SLC35D4: variants seen among roughly 807,000 people sequenced by gnomAD.
SLC35D4 encodes the protein solute carrier family 35 member D4, also known as UDP-N-acetylglucosamine transporter SLC35D4.
At chr18:23,399,174 G>A in the SLC35D4 span, among the ~76,000 whole-genome samples, 5 of 152,270 alleles carry the variant, frequency 3.3e-5, no homozygotes, top group Non-Finnish European at 5.9e-5. Context: ...ACCAGGCCAC[G>A]TTACCAATGG....
chr18:23,351,437 A>G, the SLC35D4 span, among the ~76,000 whole-genome samples: 1 of 129,988 alleles, frequency 7.7e-6, no homozygotes, highest in Non-Finnish European at 1.7e-5. Context: ...CAAAAACAAA[A>G]ACAAAAAAAT....
chr18:23,257,114 A>T, the SLC35D4 span: 1 of 1,213,286 alleles, frequency 8.2e-7, no homozygotes, highest in East Asian at 2.4e-5. Context: ...GCTTTGCCCA[A>T]AGTGGATTTC....
chr18:23,257,054 G>A, the SLC35D4 span: 2 of 671,060 alleles, frequency 3.0e-6, no homozygotes, highest in East Asian at 2.8e-5. Context: ...TTCACAACCA[G>A]GACCGAAGGC....
At chr18:23,254,008 G>A in the SLC35D4 span, 2 of 1,305,726 alleles carry the variant, frequency 1.5e-6, no homozygotes, top group Non-Finnish European at 2.2e-6. Flanking sequence ...AGAAGGATTC[G>A]GTCAGTGACC....
At chr18:23,391,055 G>A in the SLC35D4 span, among the ~76,000 whole-genome samples, 4 of 151,798 alleles carry the variant, frequency 2.6e-5, no homozygotes, top group African/African-American at 4.8e-5. Flanking sequence ...GTGAAACCCC[G>A]TCTCTACTAA....
the SLC35D4 span, among the ~76,000 whole-genome samples, chr18:23,325,951 A>G: frequency 6.6e-6 from 1 of 152,232 alleles, no homozygotes; most frequent in Admixed American, 6.5e-5. Context: ...GACAAGGCAC[A>G]CACACATTTT....
At chr18:23,358,307 C>A in the SLC35D4 span, among the ~76,000 whole-genome samples, 1 of 152,098 alleles carries the variant, frequency 6.6e-6, no homozygotes, top group Non-Finnish European at 1.5e-5. Context: ...CCTCTCAGCA[C>A]CCAGTCTTTC....
the SLC35D4 span, among the ~76,000 whole-genome samples, chr18:23,298,961 G>A: frequency 1.4e-4 from 22 of 152,220 alleles, no homozygotes; most frequent in Admixed American, 5.9e-4. Flanking sequence ...TTGGGGTGCT[G>A]AGTGTATGAC....
the SLC35D4 span, among the ~76,000 whole-genome samples, chr18:23,319,634 T>C: frequency 6.6e-6 from 1 of 152,134 alleles, no homozygotes; most frequent in South Asian, 2.1e-4. Context: ...AGATGGGGTT[T>C]CACCATGTTG....
At chr18:23,386,632 G>C in the SLC35D4 span, among the ~76,000 whole-genome samples, 1 of 150,782 alleles carries the variant, frequency 6.6e-6, no homozygotes, top group Non-Finnish European at 1.5e-5. Context: ...CTTGGTACTG[G>C]CAGCGAAGAT....
chr18:23,359,331 C>T, the SLC35D4 span, among the ~76,000 whole-genome samples: 1 of 151,194 alleles, frequency 6.6e-6, no homozygotes, highest in Non-Finnish European at 1.5e-5. Flanking sequence ...TTGCAGTAAG[C>T]CGAGATTGTC....
chr18:23,371,528 C>CA, the SLC35D4 span: 2 of 1,400,530 alleles, frequency 1.4e-6, no homozygotes, highest in South Asian at 2.7e-5. Context: ...AAATGGAATC[C>CA]AGTGTGGCCA....
chr18:23,301,833 T>C, the SLC35D4 span, among the ~76,000 whole-genome samples: 573 of 152,274 alleles, frequency 3.8e-3, 5 homozygotes, highest in African/African-American at 0.013. Context: ...AATTTTGAAA[T>C]AGAGGGAATT....
the SLC35D4 span, among the ~76,000 whole-genome samples, chr18:23,323,154 G>C: frequency 6.6e-6 from 1 of 152,128 alleles, no homozygotes; most frequent in Non-Finnish European, 1.5e-5. Context: ...ACTATTTTTA[G>C]AAATTACATG....
the SLC35D4 span, among the ~76,000 whole-genome samples, chr18:23,252,402 C>T: frequency 6.6e-6 from 1 of 152,196 alleles, no homozygotes; most frequent in African/African-American, 2.4e-5. Flanking sequence ...ATTTAAAAAA[C>T]TAAAAGAACA....
chr18:23,432,489 T>C, the SLC35D4 span, among the ~76,000 whole-genome samples: 4 of 152,024 alleles, frequency 2.6e-5, no homozygotes, highest in African/African-American at 7.2e-5. Context: ...GAGACCAGCC[T>C]GACCAACATA....
At chr18:23,398,723 TTTTA>T in the SLC35D4 span, among the ~76,000 whole-genome samples, 1 of 152,226 alleles carries the variant, frequency 6.6e-6, no homozygotes, top group African/African-American at 2.4e-5. Flanking sequence ...ATTAGGCAGA[TTTTA>T]TTTGTTTGTT....
At chr18:23,257,409 T>C in the SLC35D4 span, 1 of 1,545,808 alleles carries the variant, frequency 6.5e-7, no homozygotes, top group Admixed American at 2.3e-5. Context: ...CTTCTCAGCT[T>C]GGTGGAGCAG....
the SLC35D4 span, among the ~76,000 whole-genome samples, chr18:23,303,518 G>A: frequency 6.7e-3 from 1,026 of 152,304 alleles, 10 homozygotes; most frequent in Non-Finnish European, 0.011. Context: ...CTCACGTTCA[G>A]TTCAATACCT....
Sources: allele counts gnomAD v4.1 joint callset (sites outside exome capture counted in the v4.1 genomes callset), GRCh38; gene constraint gnomAD v4.1.1; transcripts MANE v1.5; gene names NCBI Gene and HGNC (gene_info 2026-07-23, HGNC 2026-07-21).